Variants in DRC9 observed in about 807,000 individuals in gnomAD.
DRC9 encodes dynein regulatory complex protein 9.
the DRC9 span, chr3:197,945,758 T>C: frequency 3.6e-5 from 24 of 661,796 alleles, no homozygotes; most frequent in Non-Finnish European, 6.1e-5. Context: ...TTCTATACCA[T>C]TTCATTAAGA....
At chr3:197,956,418 A>C in the DRC9 span, 2 of 153,274 alleles carry the variant, frequency 1.3e-5, no homozygotes, top group Non-Finnish European at 2.9e-5. Flanking sequence ...AATAAAATTA[A>C]GCCATATTAC....
the DRC9 span, chr3:197,951,452 A>T: frequency 1.1e-6 from 1 of 887,462 alleles, no homozygotes; most frequent in Non-Finnish European, 1.8e-6. Context: ...TCCCGGGTTC[A>T]AGCAAGTGTC....
the DRC9 span, among the ~76,000 whole-genome samples, chr3:197,895,536 G>A: frequency 1.3e-5 from 2 of 152,136 alleles, no homozygotes; most frequent in African/African-American, 4.8e-5. Context: ...AAATTGCTGG[G>A]ATTACAAGTG....
the DRC9 span, chr3:197,950,904 G>A: frequency 1.2e-6 from 2 of 1,610,860 alleles, no homozygotes; most frequent in Non-Finnish European, 1.7e-6. Flanking sequence ...TGTGTGGCTT[G>A]GTTTTAAACT....
the DRC9 span, among the ~76,000 whole-genome samples, chr3:197,890,914 C>T: frequency 1.3e-5 from 2 of 152,260 alleles, no homozygotes; most frequent in Middle Eastern, 3.4e-3. Flanking sequence ...AGACAGGTGC[C>T]GTCCAGCTTT....
At chr3:197,894,456 C>T in the DRC9 span, 4 of 152,114 alleles carry the variant, frequency 2.6e-5, no homozygotes, top group Non-Finnish European at 4.4e-5. Context: ...GACTAACTCT[C>T]GACAGAGAAA....
chr3:197,953,838 G>T, the DRC9 span: 6 of 702,454 alleles, frequency 8.5e-6, no homozygotes, highest in Non-Finnish European at 1.5e-5. Flanking sequence ...GCATACAATA[G>T]TTACTCGATA....
chr3:197,911,297 C>T, the DRC9 span, among the ~76,000 whole-genome samples: 3 of 152,048 alleles, frequency 2.0e-5, no homozygotes, highest in African/African-American at 7.2e-5. Flanking sequence ...AGCACAGATT[C>T]GAGAGTATTA....
chr3:197,950,182 G>A, the DRC9 span: 2 of 1,231,746 alleles, frequency 1.6e-6, no homozygotes, highest in Non-Finnish European at 2.0e-6. Context: ...ACGCGGCGGG[G>A]CCTCGTCCTT....
the DRC9 span, among the ~76,000 whole-genome samples, chr3:197,948,501 C>T: frequency 6.6e-6 from 1 of 152,238 alleles, no homozygotes; most frequent in Admixed American, 6.5e-5. Context: ...TGCTAAGTCT[C>T]AGTGCTCAAT....
chr3:197,957,136 C>T, the DRC9 span: 1 of 152,166 alleles, frequency 6.6e-6, no homozygotes, highest in Non-Finnish European at 1.5e-5. Flanking sequence ...TCTTCCATCT[C>T]CTGGAGACAG....
chr3:197,915,827 C>G, the DRC9 span, among the ~76,000 whole-genome samples: 1 of 152,104 alleles, frequency 6.6e-6, no homozygotes, highest in African/African-American at 2.4e-5. Context: ...TGGGGTTTCT[C>G]TACATTGGTC....
the DRC9 span, among the ~76,000 whole-genome samples, chr3:197,908,446 G>T: frequency 6.4e-5 from 9 of 140,528 alleles, no homozygotes; most frequent in African/African-American, 2.2e-4. Flanking sequence ...CAGGTCTGAA[G>T]AGCAACCCTT....
the DRC9 span, among the ~76,000 whole-genome samples, chr3:197,896,769 C>G: frequency 6.6e-6 from 1 of 152,156 alleles, no homozygotes. Context: ...GGGCACTAAT[C>G]TTATTCATTA....
the DRC9 span, among the ~76,000 whole-genome samples, chr3:197,925,499 C>T: frequency 6.4e-4 from 97 of 150,904 alleles, no homozygotes; most frequent in African/African-American, 2.3e-3. Flanking sequence ...CTAAGGGCTC[C>T]AGGGGGTTGG....
At chr3:197,907,032 C>T in the DRC9 span, among the ~76,000 whole-genome samples, 1 of 152,164 alleles carries the variant, frequency 6.6e-6, no homozygotes, top group Non-Finnish European at 1.5e-5. Flanking sequence ...TAAATGTGCC[C>T]ACCTTATCTC....
At chr3:197,903,995 T>C in the DRC9 span, among the ~76,000 whole-genome samples, 3 of 132,882 alleles carry the variant, frequency 2.3e-5, no homozygotes, top group Non-Finnish European at 4.7e-5. Context: ...CACACACATA[T>C]ATATATACAT....
the DRC9 span, among the ~76,000 whole-genome samples, chr3:197,944,501 T>G: frequency 3.9e-5 from 6 of 151,934 alleles, no homozygotes; most frequent in Non-Finnish European, 7.4e-5. Context: ...CAGGCTGGAG[T>G]GCAGTAGCGC....
the DRC9 span, among the ~76,000 whole-genome samples, chr3:197,955,065 G>A: frequency 6.6e-6 from 1 of 151,972 alleles, no homozygotes; most frequent in Non-Finnish European, 1.5e-5. Flanking sequence ...TTCTCAAATA[G>A]TTCGTACTTT....
Sources: gnomAD v4.1 joint callset for allele counts (sites outside exome capture counted in the v4.1 genomes callset) on GRCh38, gnomAD v4.1.1 for gene constraint, MANE v1.5 for transcripts, NCBI Gene and HGNC (gene_info 2026-07-23, HGNC 2026-07-21) for gene names.